The following LRP1B variants were observed in gnomAD, a reference collection of about 807,000 sequenced individuals.
LRP1B encodes the protein LDL receptor related protein 1B.
Under a neutral mutation model 556.6 loss-of-function variants are expected in LRP1B, and 217 were observed. The observed-to-expected ratio is 0.39, with a 90% CI of 0.35 to 0.44. The LOEUF is 0.44. LRP1B is among the 20% of genes least tolerant of loss of function. LRP1B has a pLI of 1.00. For synonymous variants in LRP1B, 2,047 were observed against 1,865.8 expected (o/e 1.10, Z -2.50); for missense variants, 5,053 against 5,620.8 (o/e 0.90, Z 3.23).
At chr2:141,173,758 A>T (rs538462657) in intron 7 of LRP1B, among the ~76,000 whole-genome samples, 1 of 152,044 alleles carries the variant, frequency 6.6e-6, no homozygotes, top group African/African-American at 2.4e-5. Flanking sequence ...CAGAAAAAAA[A>T]TGTGGCTCTC....
intron 1 of LRP1B, among the ~76,000 whole-genome samples, chr2:141,982,373 T>C (rs1434758849): frequency 1.3e-5 from 2 of 152,150 alleles, no homozygotes; most frequent in African/African-American, 4.8e-5. Flanking sequence ...ACAAACACAA[T>C]ACAGAGCTTG....
At chr2:140,334,595 T>TAGCAGCACCATCACCA in intron 78 of LRP1B, 36 bp from the exon 79 acceptor site, 2 of 1,219,890 alleles carry the variant, frequency 1.6e-6, no homozygotes, top group Non-Finnish European at 2.3e-6. Context: ...AGCCTGGTGA[T>TAGCAGCACCATCACCA]GGTGCTGCTA....
chr2:140,752,907 G>T (rs536535995), intron 35 of LRP1B, among the ~76,000 whole-genome samples: 4 of 152,032 alleles, frequency 2.6e-5, no homozygotes, highest in Non-Finnish European at 5.9e-5. Context: ...ACACTCTACA[G>T]TAGGGTTCAC....
intron 2 of LRP1B, among the ~76,000 whole-genome samples, chr2:141,704,144 T>C (rs770485828): frequency 2.0e-5 from 3 of 151,942 alleles, no homozygotes; most frequent in African/African-American, 7.2e-5. Flanking sequence ...TTAAGTAATA[T>C]AATGTTCTTG....
intron 2 of LRP1B, among the ~76,000 whole-genome samples, chr2:141,500,967 T>C (rs111761997): frequency 4.0e-4 from 61 of 152,236 alleles, no homozygotes; most frequent in African/African-American, 1.3e-3. Context: ...CTTCTCTTGG[T>C]CATTTTTCCC....
intron 3 of LRP1B, among the ~76,000 whole-genome samples, chr2:141,340,426 C>G (rs1258400634): frequency 1.3e-5 from 2 of 152,070 alleles, no homozygotes; most frequent in Admixed American, 1.3e-4. Context: ...GAAAATGAGG[C>G]CTCTGAAGCA....
At chr2:141,327,626 A>C (rs1020407975) in intron 3 of LRP1B, among the ~76,000 whole-genome samples, 3 of 152,210 alleles carry the variant, frequency 2.0e-5, no homozygotes, top group African/African-American at 4.8e-5. Context: ...TCTCCTAAAA[A>C]GAAGGGAATT....
At chr2:141,436,097 T>C (rs887769989) in intron 3 of LRP1B, among the ~76,000 whole-genome samples, 2 of 152,146 alleles carry the variant, frequency 1.3e-5, no homozygotes, top group Non-Finnish European at 2.9e-5. Context: ...TTTAGTAAAA[T>C]GTCTATTTAT....
At chr2:141,333,503 TA>T (rs1202240093) in intron 3 of LRP1B, among the ~76,000 whole-genome samples, 1 of 152,142 alleles carries the variant, frequency 6.6e-6, no homozygotes, top group Non-Finnish European at 1.5e-5. Context: ...ATTAAATAAA[TA>T]AAAATCATAC....
intron 7 of LRP1B, among the ~76,000 whole-genome samples, chr2:141,110,339 C>A (rs773248555): frequency 2.6e-5 from 4 of 151,942 alleles, no homozygotes; most frequent in Non-Finnish European, 5.9e-5. Context: ...AATATATTAT[C>A]ACAAACTAAT....
intron 7 of LRP1B, among the ~76,000 whole-genome samples, chr2:141,188,011 C>T (rs550356495): frequency 2.6e-5 from 4 of 152,074 alleles, no homozygotes; most frequent in African/African-American, 9.6e-5. Flanking sequence ...AAATCCTAAA[C>T]GTTATGCTGG....
rs2104981765 is a variant in LRP1B at position 140,288,782 on chromosome 2, A to G, written c.12967+9026T>C. On this transcript the variant is annotated intron_variant, in intron 84 of 90. Coordinates refer to ENST00000389484, the MANE Select transcript of LRP1B (RefSeq NM_018557.3). ...ACAGATATTTAAATACAAATCCATT[A>G]AAAGGTTACTGTTAGCTGTGAGACA... Among the ~76,000 whole-genome samples the G allele has an allele frequency of 1.3e-5, 2 of 151,958 alleles. 1 individual carries two copies. Among genetic ancestry groups the G allele is most frequent in the Admixed American group, 1.3e-4 (2 of 15,206 alleles).
intron 1 of LRP1B, among the ~76,000 whole-genome samples, chr2:141,860,237 G>T (rs1049433360): frequency 1.3e-5 from 2 of 152,138 alleles, no homozygotes; most frequent in Non-Finnish European, 2.9e-5. Flanking sequence ...ATACATTCTT[G>T]TAATTGTGCA....
intron 41 of LRP1B, among the ~76,000 whole-genome samples, chr2:140,680,590 C>T (rs1685827863): frequency 6.6e-6 from 1 of 152,186 alleles, no homozygotes; most frequent in Non-Finnish European, 1.5e-5. Context: ...CATTAATCCT[C>T]ATTAATTGAT....
intron 7 of LRP1B, among the ~76,000 whole-genome samples, chr2:141,130,141 T>A (rs1234882608): frequency 6.7e-6 from 1 of 149,926 alleles, no homozygotes; most frequent in African/African-American, 2.4e-5. Flanking sequence ...TTTAAATTTA[T>A]CTACTTTAAA....
chr2:141,570,295 C>T (rs941753310), intron 2 of LRP1B, among the ~76,000 whole-genome samples: 6 of 150,322 alleles, frequency 4.0e-5, no homozygotes, highest in African/African-American at 1.5e-4. Flanking sequence ...TGTAGTGTGA[C>T]GGCCCACCTG....
intron 1 of LRP1B, among the ~76,000 whole-genome samples, chr2:141,828,622 A>G (rs367735468): frequency 6.6e-6 from 1 of 152,122 alleles, no homozygotes; most frequent in Non-Finnish European, 1.5e-5. Context: ...TGGGTTTTTC[A>G]TAAGTTACCT....
intron 55 of LRP1B, among the ~76,000 whole-genome samples, chr2:140,500,422 A>C (rs1689133056): frequency 6.6e-6 from 1 of 152,110 alleles, no homozygotes; most frequent in African/African-American, 2.4e-5. Context: ...TAAGGCTGGC[A>C]GGAACAATGG....
At chr2:141,248,634 G>A (rs1228965960) in intron 4 of LRP1B, among the ~76,000 whole-genome samples, 1 of 152,168 alleles carries the variant, frequency 6.6e-6, no homozygotes, top group African/African-American at 2.4e-5. Flanking sequence ...CAGAAGAGAT[G>A]AAACTGGGAA....
Sources: gnomAD v4.1 joint callset for allele counts (sites outside exome capture counted in the v4.1 genomes callset) on GRCh38, gnomAD v4.1.1 for gene constraint, MANE v1.5 for transcripts, NCBI Gene and HGNC (gene_info 2026-07-23, HGNC 2026-07-21) for gene names.